The following RICTOR variants were observed in gnomAD, a reference collection of about 807,000 sequenced individuals.
RICTOR encodes rapamycin-insensitive companion of mTOR.
In RICTOR, 49 loss-of-function variants were observed where a neutral mutation model predicts 214.9. The ratio of observed to expected loss-of-function variants is 0.23; its 90% CI spans 0.18 to 0.29. The LOEUF (loss-of-function observed/expected upper bound fraction) is 0.29. Ranked by LOEUF, RICTOR falls within the 10% of genes least tolerant of loss-of-function variation. The probability of loss-of-function intolerance (pLI) is 1.00; values close to 1 mark genes in which losing one functional copy is unlikely to be tolerated. For synonymous variants in RICTOR, 717 were observed against 711.3 expected, an observed-to-expected ratio of 1.01 and a Z score of -0.13; for missense variants, 1,625 against 2,047.0, an observed-to-expected ratio of 0.79 and a Z score of 3.98.
At chr5:39,036,723 C>G (rs1464995844) in intron 2 of RICTOR, among the ~76,000 whole-genome samples, 1 of 152,062 alleles carries the variant, frequency 6.6e-6, no homozygotes, top group African/African-American at 2.4e-5. Flanking sequence ...ACAAAGAAGG[C>G]CATTACATAA....
At chr5:39,046,848 CA>C (rs1757534221) in intron 2 of RICTOR, among the ~76,000 whole-genome samples, 1 of 152,040 alleles carries the variant, frequency 6.6e-6, no homozygotes, top group African/African-American at 2.4e-5. Context: ...ACAAAGACAA[CA>C]AAAATTACCT....
chr5:39,039,073 A>T (rs1340994665), intron 2 of RICTOR, among the ~76,000 whole-genome samples: 1 of 152,220 alleles, frequency 6.6e-6, no homozygotes, highest in Admixed American at 6.5e-5. Context: ...ACTATACTAC[A>T]AGGCTACAGT....
chr5:39,013,717 A>G (rs1213322100), intron 3 of RICTOR, among the ~76,000 whole-genome samples: 1 of 152,092 alleles, frequency 6.6e-6, no homozygotes, highest in Admixed American at 6.6e-5. Context: ...ACACACACAC[A>G]CAGAGCTACA....
At chr5:38,953,804 AT>A (rs1228344919) in intron 27 of RICTOR, among the ~76,000 whole-genome samples, 1 of 151,834 alleles carries the variant, frequency 6.6e-6, no homozygotes, top group Non-Finnish European at 1.5e-5. Context: ...TGATTTCCTA[AT>A]ATCTAGAAGA....
chr5:39,038,098 G>A (rs1010670563), intron 2 of RICTOR, among the ~76,000 whole-genome samples: 2 of 152,132 alleles, frequency 1.3e-5, no homozygotes, highest in African/African-American at 4.8e-5. Flanking sequence ...AAATCCAGCA[G>A]CACATCAAAA....
intron 3 of RICTOR, among the ~76,000 whole-genome samples, chr5:39,019,224 C>G (rs1755203404): frequency 6.6e-6 from 1 of 152,168 alleles, no homozygotes; most frequent in African/African-American, 2.4e-5. Context: ...GAAGCTGCAA[C>G]AAGTTATCCA....
rs10074795 is a variant in RICTOR, at chr5:39,020,942, A to G, written c.195+97T>C. 4.3e-3 allele frequency: 3,168 copies of G among 732,122 alleles called. 74 individuals carry two copies. The African/African-American group carries it at 0.046, about 11-fold the overall frequency. 45.4% of individuals were successfully genotyped at this position (732,122 alleles called of 1,614,324 possible). On this transcript the variant is annotated intron_variant, in intron 3 of 37. Coordinates refer to ENST00000357387, the MANE Select transcript of RICTOR (RefSeq NM_152756.5). ...AGAAAAGCATTAATGCTGAGTGAATACACAAGAATTTGTATTTAATGATGG... is the reference window on the plus strand; with the variant it reads ...AGAAAAGCATTAATGCTGAGTGAATGCACAAGAATTTGTATTTAATGATGG...
Position 38,953,512 on chromosome 5 carries a change from A to G in RICTOR, c.2739T>C (p.Asp913=), listed in dbSNP as rs767131444. The G allele has an allele frequency of 4.7e-5, 70 of 1,500,938 alleles. No individual in the cohort carries two copies. Among genetic ancestry groups the G allele is most frequent in the Non-Finnish European group, 6.3e-5 (70 of 1,119,922 alleles). 93.0% of individuals were successfully genotyped at this position (1,500,938 alleles called of 1,614,324 possible). Residue 913 remains aspartate (D), a synonymous_variant, in exon 28 of 38, where the codon GAT becomes GAC. Coordinates refer to ENST00000357387, the MANE Select transcript of RICTOR (RefSeq NM_152756.5). ...TELCRNVRTP[D]LDKWEEIKKL... is the part of the protein sequence containing the mutation. ...TTTTAATTTCTTCCCACTTATCCAA[A>G]TCTGGTGTACGAACATTACGACAGA... is the stretch of plus-strand genomic sequence containing the variant.
At chr5:38,986,341 T>C (rs1752169440) in intron 7 of RICTOR, among the ~76,000 whole-genome samples, 1 of 152,196 alleles carries the variant, frequency 6.6e-6, no homozygotes, top group South Asian at 2.1e-4. Flanking sequence ...ATAACCTTTT[T>C]TCTTCATAAA....
At position 39,024,657 on chromosome 5, in the gene RICTOR, C is replaced by A. The variant is rs146276106; in HGVS notation, c.98-3521G>T. The stretch of plus-strand genomic sequence containing the variant: ...ATCTAAACATTTTACTTCAGTTTAT[C>A]ATTAGCTTGTCAGGCACCAAACAGA... On this transcript the variant is annotated intron_variant, in intron 2 of 37. Coordinates refer to ENST00000357387, the MANE Select transcript of RICTOR (RefSeq NM_152756.5). Among the ~76,000 whole-genome samples, 323 of 152,234 alleles carry A rather than the reference C, an allele frequency of 2.1e-3. 1 individual carries two copies. The highest frequency in any genetic ancestry group is 7.5e-3 in the African/African-American group (310 of 41,542).
chr5:39,048,611 A>T (rs893410007), intron 2 of RICTOR, among the ~76,000 whole-genome samples: 2 of 152,162 alleles, frequency 1.3e-5, no homozygotes, highest in African/African-American at 4.8e-5. Flanking sequence ...TGCTGGGAAG[A>T]TTCTAGATGC....
intron 2 of RICTOR, among the ~76,000 whole-genome samples, chr5:39,041,987 A>G (rs1192174313): frequency 6.6e-6 from 1 of 151,488 alleles, no homozygotes; most frequent in Non-Finnish European, 1.5e-5. Flanking sequence ...ATTAAAAATG[A>G]TTTGAAACCA....
intron 37 of RICTOR, 23 bp from the exon 38 acceptor site, chr5:38,942,401 T>A (rs1747667847): frequency 1.3e-6 from 2 of 1,486,640 alleles, no homozygotes; most frequent in East Asian, 4.5e-5. Flanking sequence ...TGGTGTATCA[T>A]CAATTACTTT....
chr5:39,015,437 T>C (rs1174272996), intron 3 of RICTOR, among the ~76,000 whole-genome samples: 1 of 152,094 alleles, frequency 6.6e-6, no homozygotes, highest in Admixed American at 6.6e-5. Context: ...TACACACACA[T>C]TTATTTACAG....
At chr5:39,051,968 T>C (rs1363604354) in intron 2 of RICTOR, among the ~76,000 whole-genome samples, 1 of 152,254 alleles carries the variant, frequency 6.6e-6, no homozygotes, top group Non-Finnish European at 1.5e-5. Flanking sequence ...ATAGAAACCA[T>C]ACTTTGAATT....
chr5:38,945,360 G>C, intron 34 of RICTOR, 131 bp downstream of exon 34: 1 of 647,212 alleles, frequency 1.5e-6, no homozygotes, highest in Admixed American at 2.9e-5. Flanking sequence ...AACATAATTT[G>C]GCATATCAGT....
At chr5:39,001,668 A>G (rs1283023526) in intron 5 of RICTOR, among the ~76,000 whole-genome samples, 1 of 152,062 alleles carries the variant, frequency 6.6e-6, no homozygotes, top group African/African-American at 2.4e-5. Context: ...TATCCAGAAT[A>G]CATCAAGAAT....
intron 25 of RICTOR, 63 bp from the exon 26 acceptor site, chr5:38,955,767 G>C: frequency 1.1e-6 from 1 of 888,456 alleles, no homozygotes; most frequent in East Asian, 2.4e-5. Context: ...TTTAAAATAT[G>C]TCAGATACTT....
At chr5:39,014,373 T>A (rs1754777422) in intron 3 of RICTOR, among the ~76,000 whole-genome samples, 1 of 152,058 alleles carries the variant, frequency 6.6e-6, no homozygotes, top group Admixed American at 6.6e-5. Flanking sequence ...TACTTTCTAG[T>A]GGTTACCTCT....
Sources: allele counts gnomAD v4.1 joint callset (sites outside exome capture counted in the v4.1 genomes callset), GRCh38; gene constraint gnomAD v4.1.1; transcripts MANE v1.5; gene names NCBI Gene and HGNC (gene_info 2026-07-23, HGNC 2026-07-21).